Variants in PDE1C observed in about 807,000 individuals in gnomAD.
PDE1C encodes the protein phosphodiesterase 1C.
Under a neutral mutation model 93.1 loss-of-function variants are expected in PDE1C, and 62 were observed. That is an observed-to-expected ratio of 0.67 (90% confidence interval 0.54 to 0.82). The LOEUF is 0.82. PDE1C is among the 40% of genes least tolerant of loss of function. The pLI is 0.00. For synonymous variants in PDE1C, 325 were observed against 310.1 expected, an observed-to-expected ratio of 1.05 and a Z score of -0.50; for missense variants, 742 against 884.6, an observed-to-expected ratio of 0.84 and a Z score of 2.04.
At chr7:31,695,334 A>G in the PDE1C span, 1 of 712,776 alleles carries the variant, frequency 1.4e-6, no homozygotes, top group Non-Finnish European at 2.1e-6. Context: ...AATAGGCCAC[A>G]ATAAATAAAC....
intron 3 of PDE1C, among the ~76,000 whole-genome samples, chr7:32,161,942 C>T (rs577198643): frequency 2.6e-5 from 4 of 152,258 alleles, no homozygotes; most frequent in East Asian, 3.9e-4. Context: ...GATTTCTCAA[C>T]GGCCCAAGAA....
chr7:32,096,460 G>T (rs1372915440), intron 3 of PDE1C, among the ~76,000 whole-genome samples: 1 of 152,144 alleles, frequency 6.6e-6, no homozygotes, highest in African/African-American at 2.4e-5. Flanking sequence ...AGAATAAACT[G>T]TTTATTTCCC....
chr7:32,402,059 T>C (rs985940478), intron 1 of PDE1C, among the ~76,000 whole-genome samples: 2 of 152,174 alleles, frequency 1.3e-5, no homozygotes, highest in African/African-American at 4.8e-5. Context: ...AATGTAGATA[T>C]TGTTTTCCCT....
intron 2 of PDE1C, among the ~76,000 whole-genome samples, chr7:32,182,601 C>T (rs368927146): frequency 1.3e-5 from 2 of 152,094 alleles, no homozygotes; most frequent in Non-Finnish European, 2.9e-5. Context: ...ATTCAACAAC[C>T]CTTCATGCTA....
intron 2 of PDE1C, among the ~76,000 whole-genome samples, chr7:32,003,790 T>A (rs534198172): frequency 1.1e-4 from 17 of 152,326 alleles, no homozygotes; most frequent in African/African-American, 4.1e-4. Context: ...TGTCACACAC[T>A]GTTTCAGATG....
chr7:32,236,003 T>C (rs963179385), intron 1 of PDE1C, among the ~76,000 whole-genome samples: 7 of 152,048 alleles, frequency 4.6e-5, no homozygotes, highest in South Asian at 4.2e-4. Context: ...ATATGGCCAA[T>C]TGATTTTTGA....
chr7:32,206,680 A>AGGTGCCCACCATGC (rs1444550573), intron 2 of PDE1C, among the ~76,000 whole-genome samples: 5 of 152,134 alleles, frequency 3.3e-5, no homozygotes, highest in Non-Finnish European at 7.4e-5. Context: ...CACCCATGTG[A>AGGTGCCCACCATGC]GGTGCCCACC....
At chr7:32,122,760 C>G (rs1016335855) in intron 3 of PDE1C, among the ~76,000 whole-genome samples, 1 of 152,056 alleles carries the variant, frequency 6.6e-6, no homozygotes. Context: ...CATCATAAAG[C>G]TACAAAGATC....
At chr7:31,660,218 G>T in the PDE1C span, among the ~76,000 whole-genome samples, 1 of 152,128 alleles carries the variant, frequency 6.6e-6, no homozygotes, top group Non-Finnish European at 1.5e-5. Flanking sequence ...TTTATTAGCA[G>T]CCTGAGAACG....
At chr7:32,337,358 C>T (rs1361217353) in intron 1 of PDE1C, among the ~76,000 whole-genome samples, 1 of 152,158 alleles carries the variant, frequency 6.6e-6, no homozygotes, top group Non-Finnish European at 1.5e-5. Context: ...TTACCATACA[C>T]TAGTATTGTG....
chr7:31,723,055 C>T, the PDE1C span, among the ~76,000 whole-genome samples: 145 of 152,324 alleles, frequency 9.5e-4, no homozygotes, highest in Non-Finnish European at 1.7e-3. Flanking sequence ...TTCAACTCAT[C>T]TGTGGAATTC....
rs970027408 is a variant in PDE1C, at chr7:31,837,094, T to C, written c.1203+86A>G. On this transcript the variant is annotated intron_variant, in intron 11 of 17. Coordinates refer to ENST00000396191, the MANE Select transcript of PDE1C (RefSeq NM_001191057.4). ...CTCTCCAAAATTACTGTAATCTCAATAGTCCTTATCCTAGCATTGCTGAGA... is the reference window on the plus strand; with the variant it reads ...CTCTCCAAAATTACTGTAATCTCAACAGTCCTTATCCTAGCATTGCTGAGA... 9 of 1,375,410 alleles carry C rather than the reference T, an allele frequency of 6.5e-6. No homozygotes were observed. The African/African-American group carries it at 1.0e-4, about 15-fold the overall frequency. The allele number at this position is 1,375,410 out of a possible 1,614,324, so 85.2% of individuals were successfully genotyped here.
At chr7:31,968,162 T>C (rs909237186) in intron 2 of PDE1C, among the ~76,000 whole-genome samples, 4 of 152,078 alleles carry the variant, frequency 2.6e-5, no homozygotes, top group Admixed American at 6.6e-5. Flanking sequence ...AAAGAGGAAG[T>C]CAAATTGTCC....
chr7:32,232,900 C>G (rs1807811563), intron 1 of PDE1C, among the ~76,000 whole-genome samples: 1 of 152,188 alleles, frequency 6.6e-6, no homozygotes, highest in South Asian at 2.1e-4. Context: ...ACTGGGTCAA[C>G]TGGCTGCCAA....
chr7:31,804,970 T>C (rs73090794), intron 16 of PDE1C, among the ~76,000 whole-genome samples: 1,860 of 151,802 alleles, frequency 0.012, 16 homozygotes, highest in South Asian at 0.028. Flanking sequence ...ATAACCCCCA[T>C]GTGTCATGGG....
intron 2 of PDE1C, among the ~76,000 whole-genome samples, chr7:31,936,348 T>TC (rs1245800211): frequency 6.6e-6 from 1 of 151,886 alleles, no homozygotes; most frequent in East Asian, 1.9e-4. Context: ...GATTGTTTTT[T>TC]CCCAATTCCT....
the PDE1C span, among the ~76,000 whole-genome samples, chr7:31,698,292 T>C: frequency 6.6e-6 from 1 of 152,220 alleles, no homozygotes; most frequent in East Asian, 1.9e-4. Flanking sequence ...TTAGAGGCTC[T>C]GGTTCTATGC....
chr7:31,620,166 A>C, the PDE1C span, among the ~76,000 whole-genome samples: 1 of 152,146 alleles, frequency 6.6e-6, no homozygotes, highest in East Asian at 1.9e-4. Flanking sequence ...TGCAGGCTCC[A>C]CCTCTGGGGG....
intron 1 of PDE1C, among the ~76,000 whole-genome samples, chr7:32,338,951 C>T (rs1783685846): frequency 6.6e-6 from 1 of 151,124 alleles, no homozygotes; most frequent in Non-Finnish European, 1.5e-5. Flanking sequence ...TGCAGTGACC[C>T]GAGATCGTGC....
Sources: gnomAD v4.1 joint callset for allele counts (sites outside exome capture counted in the v4.1 genomes callset) on GRCh38, gnomAD v4.1.1 for gene constraint, MANE v1.5 for transcripts, NCBI Gene and HGNC (gene_info 2026-07-23, HGNC 2026-07-21) for gene names.